The following KCNS3 variants were observed in gnomAD, a reference collection of about 807,000 sequenced individuals.
KCNS3 encodes the protein delayed-rectifier potassium channel regulatory subunit KCNS3.
In KCNS3, 13 loss-of-function variants were observed where a neutral mutation model predicts 31.0. The observed-to-expected ratio is 0.42, with a 90% CI of 0.27 to 0.67. The LOEUF (loss-of-function observed/expected upper bound fraction) is 0.67, where lower values mean the gene tolerates loss of function less well. Ranked by LOEUF, KCNS3 falls within the 30% of genes least tolerant of loss-of-function variation. The pLI, the probability that KCNS3 is intolerant of heterozygous loss-of-function variation, is 0.25. For synonymous variants in KCNS3, 238 were observed against 241.5 expected, an observed-to-expected ratio of 0.99 and a Z score of 0.13; for missense variants, 545 against 622.4, an observed-to-expected ratio of 0.88 and a Z score of 1.32.
intron 1 of KCNS3, among the ~76,000 whole-genome samples, chr2:17,886,742 G>GTCCATCCATCCA (rs35391429): frequency 0.011 from 1,636 of 146,914 alleles, 11 homozygotes; most frequent in Non-Finnish European, 0.013. Context: ...CCATTTAAAT[G>GTCCATCCATCCA]TCCATCCATC....
At chr2:17,894,982 G>C (rs1289977608) in intron 1 of KCNS3, among the ~76,000 whole-genome samples, 1 of 152,102 alleles carries the variant, frequency 6.6e-6, no homozygotes, top group East Asian at 1.9e-4. Context: ...TTTTTGACTT[G>C]CATTGCCTGG....
intron 1 of KCNS3, among the ~76,000 whole-genome samples, chr2:17,895,309 A>C (rs1662000534): frequency 6.6e-6 from 1 of 152,190 alleles, no homozygotes; most frequent in South Asian, 2.1e-4. Flanking sequence ...AAATATGCTG[A>C]AGATTTATAT....
At chr2:17,884,267 AAATAT>A (rs1385056032) in intron 1 of KCNS3, among the ~76,000 whole-genome samples, 438 of 38,674 alleles carry the variant, frequency 0.011, 2 homozygotes, top group African/African-American at 0.026. Context: ...AAAAAAAAAA[AAATAT>A]ATATATATAT....
chr2:17,912,157 G>A (rs946619223), intron 1 of KCNS3, among the ~76,000 whole-genome samples: 8 of 152,102 alleles, frequency 5.3e-5, no homozygotes, highest in Non-Finnish European at 8.8e-5. Flanking sequence ...ATCTTTCAAC[G>A]CTTGTCTGAT....
In KCNS3 at chr2:17,888,649, A is replaced by ATC. The variant is rs1572479322; in HGVS notation, c.-252+9844_-252+9845insCT. Among the ~76,000 whole-genome samples, 4 of 132,080 alleles carry ATC rather than the reference A, an allele frequency of 3.0e-5. No homozygotes were observed. In the East Asian group the frequency reaches 6.7e-4, roughly 22 times the overall value. The allele number at this position is 132,080 out of a possible 152,430, so 86.6% of individuals were successfully genotyped here. On this transcript the variant is annotated intron_variant, in intron 1 of 2. Transcript: ENST00000304101. ...AAAATGTATATATATATATATATAT[A>ATC]TATATATATATATATATATATATAA... is the stretch of plus-strand genomic sequence containing the variant.
chr2:17,887,245 T>C (rs1337317044), intron 1 of KCNS3, among the ~76,000 whole-genome samples: 1 of 152,142 alleles, frequency 6.6e-6, no homozygotes, highest in Non-Finnish European at 1.5e-5. Context: ...ACAATATTTG[T>C]ACTCTTTTAA....
At chr2:17,899,000 G>A (rs368229158) in intron 1 of KCNS3, among the ~76,000 whole-genome samples, 85 of 152,206 alleles carry the variant, frequency 5.6e-4, no homozygotes, top group African/African-American at 2.0e-3. Context: ...GTCTGAGGCC[G>A]GTGGATCACA....
rs190321023 is a variant in KCNS3, at chr2:17,908,270, C to T, written c.-251-9410C>T. The stretch of plus-strand genomic sequence containing the variant: ...ATTGAATCGGCTACTGAAGCTTGTG[C>T]ATTCGTCATGTAGTTCTCGTGCCAT... On this transcript the variant is annotated intron_variant, in intron 1 of 2. Transcript: ENST00000304101. 1.9e-3 allele frequency among the ~76,000 whole-genome samples: 297 copies of T among 152,312 alleles called. 5 individuals carry two copies. The highest frequency in any genetic ancestry group is 0.014 in the South Asian group (66 of 4,814).
chr2:17,883,444 A>C (rs1301724389), intron 1 of KCNS3, among the ~76,000 whole-genome samples: 2 of 152,106 alleles, frequency 1.3e-5, no homozygotes, highest in Non-Finnish European at 2.9e-5. Context: ...CAGGCATTAA[A>C]CAAACCAATG....
intron 1 of KCNS3, among the ~76,000 whole-genome samples, chr2:17,884,207 TAACA>T (rs1238056618): frequency 2.1e-5 from 3 of 144,990 alleles, no homozygotes; most frequent in Non-Finnish European, 4.5e-5. Flanking sequence ...TATACATATG[TAACA>T]AACCTGCACG....
intron 1 of KCNS3, among the ~76,000 whole-genome samples, chr2:17,894,125 G>A (rs564059593): frequency 6.6e-5 from 10 of 152,100 alleles, no homozygotes; most frequent in African/African-American, 2.2e-4. Flanking sequence ...CTGTTTTACA[G>A]TCCTTCATTT....
chr2:17,932,008 G>A lies in KCNS3; in HGVS notation c.1000G>A (p.Gly334Ser). 1 of 1,613,998 alleles carries A rather than the reference G, an allele frequency of 6.2e-7. No homozygotes were observed. The highest frequency in any genetic ancestry group is 2.2e-5 in the East Asian group (1 of 44,860). The change falls in exon 3 of 3, where the codon GGC becomes AGC. Residue 334 changes from glycine (G) to serine (S), a missense_variant. By Grantham distance (56) the Gly-to-Ser change is moderately conservative. Transcript: ENST00000304101. ...GCTTCTGCTTCTCTTCCTCTCTGTG[G>A]GCATTTCCATTTTCTCTGTGCTTAT... The part of the protein sequence containing the change: ...VGLLLLFLSV[G>S]ISIFSVLIYS...
chr2:17,931,235 T>A lies in KCNS3; in HGVS notation c.227T>A (p.Phe76Tyr), dbSNP rs1190197417. 6.2e-7 allele frequency: 1 copy of A among 1,614,112 alleles called. No individual in the cohort carries two copies. Among genetic ancestry groups the A allele is most frequent in the East Asian group, 2.2e-5 (1 of 44,890 alleles). The change falls in exon 3 of 3, where the codon TTC becomes TAC. Residue 76 changes from phenylalanine (F) to tyrosine (Y), a missense_variant. Physicochemically the swap from Phe to Tyr is conservative, Grantham distance 22 (BLOSUM62 3). Coordinates refer to ENST00000304101, the MANE Select transcript of KCNS3 (RefSeq NM_002252.5). The surrounding 1 kb of genome is among the most constrained non-coding windows in gnomAD (Gnocchi z 5.4). ...TACTTTGATCGGAATCCCTCCTTGT[T>A]CAGATATGTTTTGAATTTTTATTAC... Reference protein sequence around the residue: ...EYYFDRNPSLFRYVLNFYYTG... With the variant: ...EYYFDRNPSLYRYVLNFYYTG...
chr2:17,891,389 A>G (rs1661853582), intron 1 of KCNS3, among the ~76,000 whole-genome samples: 1 of 152,224 alleles, frequency 6.6e-6, no homozygotes, highest in Non-Finnish European at 1.5e-5. Flanking sequence ...TGGAGCATTT[A>G]GGTCATTTAC....
intron 2 of KCNS3, among the ~76,000 whole-genome samples, chr2:17,921,915 GTATATATATATATATATA>G (rs56064218): frequency 4.0e-4 from 13 of 32,812 alleles, no homozygotes; most frequent in South Asian, 2.5e-3. Flanking sequence ...GTGTGTGTGT[GTATATATATATATATATA>G]TATATATATA....
chr2:17,899,198 C>G (rs1285178101), intron 1 of KCNS3, among the ~76,000 whole-genome samples: 1 of 152,052 alleles, frequency 6.6e-6, no homozygotes, highest in Non-Finnish European at 1.5e-5. Context: ...TGCACTCCAG[C>G]CTGGCGACAG....
chr2:17,889,246 A>G (rs1661780128), intron 1 of KCNS3, among the ~76,000 whole-genome samples: 2 of 152,154 alleles, frequency 1.3e-5, no homozygotes, highest in Non-Finnish European at 2.9e-5. Flanking sequence ...GTTGGTGTAT[A>G]GAAGAGCTAC....
chr2:17,917,197 G>T (rs1387477152), intron 1 of KCNS3, among the ~76,000 whole-genome samples: 1 of 152,136 alleles, frequency 6.6e-6, no homozygotes. Flanking sequence ...ATTGAATTTG[G>T]CCAGCCTTTG....
chr2:17,907,027 T>G (rs1662336133), intron 1 of KCNS3, among the ~76,000 whole-genome samples: 1 of 152,204 alleles, frequency 6.6e-6, no homozygotes, highest in African/African-American at 2.4e-5. Flanking sequence ...TAACTTTCTG[T>G]CTCGTTGATC....
Sources: gnomAD v4.1 joint callset for allele counts (sites outside exome capture counted in the v4.1 genomes callset) on GRCh38, gnomAD v4.1.1 for gene constraint, Gnocchi (gnomAD v3.1) non-coding constraint, MANE v1.5 for transcripts, NCBI Gene and HGNC (gene_info 2026-07-23, HGNC 2026-07-21) for gene names.